KATNBL1: variants seen among roughly 807,000 people sequenced by gnomAD.
KATNBL1 encodes the protein KATNB1-like protein 1.
A neutral mutation model predicts 44.7 loss-of-function variants in KATNBL1; 28 were observed. The ratio of observed to expected loss-of-function variants is 0.63; its 90% CI spans 0.46 to 0.86. The LOEUF (loss-of-function observed/expected upper bound fraction) is 0.86. Ranked by LOEUF, KATNBL1 falls within the 40% of genes least tolerant of loss-of-function variation. The probability of loss-of-function intolerance (pLI) is 0.00; values close to 1 mark genes in which losing one functional copy is unlikely to be tolerated. For missense variants in KATNBL1, 272 were observed against 350.7 expected (o/e 0.78, Z 1.79); for synonymous variants, 78 against 114.9 (o/e 0.68, Z 2.06).
rs968526743 is a variant in KATNBL1 at position 34,190,002 on chromosome 15, TG to T, written c.-15+19948del. Among the ~76,000 whole-genome samples, 85 of 151,730 alleles carry T rather than the reference TG, an allele frequency of 5.6e-4. 1 individual carries two copies. The Middle Eastern group carries it at 0.031, about 55-fold the overall frequency. ...CTCTGTCTCCCAGGCTGGAGTGCAG[TG>T]GCACGATCTCGGCTCACTGCAAGCT... is the stretch of plus-strand genomic sequence containing the variant. On this transcript the variant is annotated intron_variant, in intron 1 of 9. Coordinates refer to ENST00000256544, the MANE Select transcript of KATNBL1 (RefSeq NM_024713.3).
At chr15:34,174,843 C>T (rs553909759) in intron 1 of KATNBL1, among the ~76,000 whole-genome samples, 7 of 152,036 alleles carry the variant, frequency 4.6e-5, no homozygotes, top group Non-Finnish European at 8.8e-5. Context: ...GGTTTCGCCA[C>T]GTTAGCTAGG....
intron 1 of KATNBL1, among the ~76,000 whole-genome samples, chr15:34,181,666 C>A (rs1158182209): frequency 4.9e-4 from 48 of 97,210 alleles, no homozygotes; most frequent in African/African-American, 4.9e-4. Flanking sequence ...ATATATATAT[C>A]CATATATATA....
At chr15:34,148,010 G>C (rs1039007749) in intron 5 of KATNBL1, among the ~76,000 whole-genome samples, 2 of 151,984 alleles carry the variant, frequency 1.3e-5, no homozygotes, top group Non-Finnish European at 2.9e-5. Flanking sequence ...ACGTACCACT[G>C]TGCCTGGCTT....
In KATNBL1 at chr15:34,145,417, T is replaced by C; in HGVS notation, c.863A>G (p.Tyr288Cys). 2 of 1,467,760 alleles carry C rather than the reference T, an allele frequency of 1.4e-6. No homozygotes were observed. Among genetic ancestry groups the C allele is most frequent in the Non-Finnish European group, 1.8e-6 (2 of 1,113,834 alleles). The allele number at this position is 1,467,760 out of a possible 1,614,324, so 90.9% of individuals were successfully genotyped here. ...QENHLTLVPG[Y>C]TGNIAKDVDA... ...GATTACCTTAGCTATATTACCAGTA[T>C]ATCCTGGAACCAAAGTAAGATGGTT... Residue 288 changes from tyrosine (Y) to cysteine (C), a missense_variant, in exon 9 of 10, where the codon TAT becomes TGT. Physicochemically the swap from Tyr to Cys is radical, Grantham distance 194. This residue lies in a region of KATNBL1 where 39 missense variants were observed against 76.3 expected (regional missense o/e 0.51). Coordinates refer to ENST00000256544, the MANE Select transcript of KATNBL1 (RefSeq NM_024713.3).
At chr15:34,186,329 G>C (rs924423114) in intron 1 of KATNBL1, among the ~76,000 whole-genome samples, 1 of 152,228 alleles carries the variant, frequency 6.6e-6, no homozygotes, top group Non-Finnish European at 1.5e-5. Flanking sequence ...TGCCGCTGCA[G>C]TTGTAGACCC....
At chr15:34,190,105 T>C (rs1460597995) in intron 1 of KATNBL1, among the ~76,000 whole-genome samples, 2 of 152,088 alleles carry the variant, frequency 1.3e-5, no homozygotes, top group Non-Finnish European at 2.9e-5. Context: ...CCACCACACC[T>C]GGCTAATTTT....
intron 4 of KATNBL1, among the ~76,000 whole-genome samples, chr15:34,152,492 C>A (rs1376768706): frequency 6.6e-6 from 1 of 152,222 alleles, no homozygotes; most frequent in Admixed American, 6.5e-5. Context: ...GCCTAGTGCT[C>A]CACTTTTTTA....
chr15:34,176,803 T>C (rs1049292741), intron 1 of KATNBL1, among the ~76,000 whole-genome samples: 7 of 152,172 alleles, frequency 4.6e-5, no homozygotes, highest in Admixed American at 2.6e-4. Context: ...TTGCAAAGGA[T>C]TTATACACTA....
At chr15:34,196,716 A>G (rs1890039350) in intron 1 of KATNBL1, among the ~76,000 whole-genome samples, 1 of 152,240 alleles carries the variant, frequency 6.6e-6, no homozygotes, top group African/African-American at 2.4e-5. Context: ...TAACAAAACC[A>G]GACTCCGTCT....
At chr15:34,192,980 G>A (rs1036815539) in intron 1 of KATNBL1, among the ~76,000 whole-genome samples, 5 of 151,844 alleles carry the variant, frequency 3.3e-5, no homozygotes, top group Admixed American at 2.6e-4. Context: ...CACTTTGGGA[G>A]GCAGAGGCGG....
rs1222480577 is a variant in KATNBL1 at position 34,145,473 on chromosome 15, T to C, written c.807A>G (p.Lys269=). The change falls in exon 9 of 10, where the codon AAA becomes AAG. Residue 269 remains lysine, a synonymous_variant. Transcript: ENST00000256544. ...IINDGNIQIL[K]QQLSGLWEQE... ...GTTCCCATAATCCACTTAATTGTTG[T>C]TTTAAAATTTGAATATTTCTAAAAG... The C allele has an allele frequency of 1.0e-5, 15 of 1,448,708 alleles. No individual in the cohort carries two copies. Among genetic ancestry groups the C allele is most frequent in the Non-Finnish European group, 1.1e-5 (12 of 1,105,500 alleles). The allele number at this position is 1,448,708 out of a possible 1,614,324, so 89.7% of individuals were successfully genotyped here.
chr15:34,152,549 T>G (rs1437051109), intron 4 of KATNBL1, among the ~76,000 whole-genome samples: 1 of 152,238 alleles, frequency 6.6e-6, no homozygotes, highest in Non-Finnish European at 1.5e-5. Context: ...ACTGGCTAAC[T>G]TGTCATTCTG....
At chr15:34,189,207 A>G (rs942336106) in intron 1 of KATNBL1, among the ~76,000 whole-genome samples, 7 of 152,180 alleles carry the variant, frequency 4.6e-5, no homozygotes, top group African/African-American at 1.4e-4. Context: ...TATTTTTAGT[A>G]GAGATGGGGT....
intron 2 of KATNBL1, among the ~76,000 whole-genome samples, chr15:34,163,107 G>C (rs976912500): frequency 5.4e-5 from 8 of 149,022 alleles, no homozygotes; most frequent in Admixed American, 2.0e-4. Flanking sequence ...GCAATGGCGC[G>C]ATCTCAGCTC....
chr15:34,172,937 T>C (rs1453013296), intron 1 of KATNBL1, among the ~76,000 whole-genome samples: 1 of 152,198 alleles, frequency 6.6e-6, no homozygotes, highest in Non-Finnish European at 1.5e-5. Flanking sequence ...TAAATTGTAC[T>C]TTGATAAACC....
chr15:34,180,133 A>G (rs1355386546), intron 1 of KATNBL1, among the ~76,000 whole-genome samples: 1 of 152,192 alleles, frequency 6.6e-6, no homozygotes, highest in African/African-American at 2.4e-5. Context: ...GCTTTCAAAC[A>G]TGATCAGATT....
At chr15:34,147,048 T>G (rs566967004) in intron 7 of KATNBL1, 152 bp downstream of exon 7, 1 of 643,008 alleles carries the variant, frequency 1.6e-6, no homozygotes, top group Admixed American at 2.9e-5. Flanking sequence ...TGTCCTTTAG[T>G]CATTTCATAT....
chr15:34,183,110 A>G (rs1193127822), intron 1 of KATNBL1, among the ~76,000 whole-genome samples: 2 of 152,186 alleles, frequency 1.3e-5, no homozygotes, highest in African/African-American at 4.8e-5. Context: ...GTTACTCTTC[A>G]ATCCTGGAGG....
At chr15:34,186,793 C>T (rs898211441) in intron 1 of KATNBL1, among the ~76,000 whole-genome samples, 1 of 152,238 alleles carries the variant, frequency 6.6e-6, no homozygotes, top group African/African-American at 2.4e-5. Context: ...CCATGAATGG[C>T]AGCGGGAGAC....
Sources: allele counts gnomAD v4.1 joint callset (sites outside exome capture counted in the v4.1 genomes callset), GRCh38; gene constraint gnomAD v4.1.1; regional missense constraint gnomAD v4.1.1; transcripts MANE v1.5; gene names NCBI Gene and HGNC (gene_info 2026-07-23, HGNC 2026-07-21).